Variants in EBF1 observed in about 807,000 individuals in gnomAD.
EBF1 encodes the protein transcription factor COE1.
In EBF1, 10 loss-of-function variants were observed where a neutral mutation model predicts 68.4. That is an observed-to-expected ratio of 0.15 (90% CI 0.09 to 0.25). EBF1 has a LOEUF of 0.25. Among genes scored for constraint, EBF1 ranks in the 10% least tolerant of loss-of-function variants. The pLI, the probability that EBF1 is intolerant of heterozygous loss-of-function variation, is 1.00. For synonymous variants in EBF1, 298 were observed against 299.8 expected (o/e 0.99, Z 0.06); for missense variants, 509 against 794.4 (o/e 0.64, Z 4.32).
intron 10 of EBF1, among the ~76,000 whole-genome samples, chr5:158,776,786 A>T (rs1327032826): frequency 6.6e-6 from 1 of 152,140 alleles, no homozygotes; most frequent in African/African-American, 2.4e-5. Context: ...CAATCTAGGG[A>T]TCTCTTAGCG....
At chr5:158,928,403 A>G (rs1810129861) in intron 6 of EBF1, among the ~76,000 whole-genome samples, 1 of 152,234 alleles carries the variant, frequency 6.6e-6, no homozygotes, top group South Asian at 2.1e-4. Context: ...ATTCAGCTTT[A>G]AAAAGCACCC....
chr5:158,699,167 A>G (rs764934679), intron 15 of EBF1, 25 bp from the exon 16 acceptor site: 1 of 1,592,778 alleles, frequency 6.3e-7, no homozygotes, highest in Non-Finnish European at 8.6e-7. Context: ...ACAGAAGTCA[A>G]TGGTTTCTTT....
At chr5:158,906,457 A>G (rs1804648152) in intron 6 of EBF1, among the ~76,000 whole-genome samples, 1 of 152,172 alleles carries the variant, frequency 6.6e-6, no homozygotes, top group African/African-American at 2.4e-5. Context: ...TAACAACAAA[A>G]AGGTGCTGTC....
intron 6 of EBF1, among the ~76,000 whole-genome samples, chr5:158,860,707 T>G (rs1173306128): frequency 2.0e-5 from 3 of 152,232 alleles, no homozygotes; most frequent in Middle Eastern, 3.2e-3. Flanking sequence ...GACAAACAAG[T>G]GACATTTTCT....
In EBF1 at chr5:159,095,679, G is replaced by C. The variant is rs746379240; in HGVS notation, c.356-4C>G. ...AAATCCTGCTCCGTCCTTATCCCTA[G>C]GGTTGGAAATGGGGGAAGGGAGGAG... is the stretch of plus-strand genomic sequence containing the variant. On this transcript the variant is annotated splice_polypyrimidine_tract_variant and splice_region_variant and intron_variant, in intron 3 of 15. Coordinates refer to ENST00000313708, the MANE Select transcript of EBF1 (RefSeq NM_024007.5). The C allele has an allele frequency of 3.1e-6, 5 of 1,614,048 alleles. No individual in the cohort carries two copies. Among genetic ancestry groups the C allele is most frequent in the African/African-American group, 1.3e-5 (1 of 75,026 alleles).
chr5:158,927,005 T>C (rs923025920), intron 6 of EBF1, among the ~76,000 whole-genome samples: 3 of 152,210 alleles, frequency 2.0e-5, no homozygotes, highest in African/African-American at 7.2e-5. Flanking sequence ...CCAGGCCTCT[T>C]GACCCTACCT....
chr5:158,976,580 G>T (rs573370122), intron 6 of EBF1, among the ~76,000 whole-genome samples: 1 of 152,276 alleles, frequency 6.6e-6, no homozygotes, highest in Non-Finnish European at 1.5e-5. Context: ...CAGCCCTGAT[G>T]CTGGGACTGC....
chr5:158,934,260 A>G (rs147040723), intron 6 of EBF1, among the ~76,000 whole-genome samples: 1,836 of 152,270 alleles, frequency 0.012, 142 homozygotes, highest in Admixed American at 0.11. Context: ...TCCTTCATTC[A>G]TTCATTCAAC....
intron 14 of EBF1, 46 bp from the exon 15 acceptor site, chr5:158,708,219 T>C (rs1758331886): frequency 6.5e-7 from 1 of 1,534,406 alleles, no homozygotes. Flanking sequence ...TTTCATGGCA[T>C]CCTGAAGCAA....
Position 158,735,184 on chromosome 5 carries a change from C to T in EBF1, c.1037-4027G>A, listed in dbSNP as rs542869154. Among the ~76,000 whole-genome samples, 4 of 152,294 alleles carry T rather than the reference C, an allele frequency of 2.6e-5. No homozygotes were observed. The East Asian group carries it at 7.7e-4, about 29-fold the overall frequency. ...GTACACATAATCCAACCCCCAAAGA[C>T]AGATGAAATCCTCTACTTGCAGAGC... On this transcript the variant is annotated intron_variant, in intron 10 of 15. Transcript: ENST00000313708.
intron 6 of EBF1, among the ~76,000 whole-genome samples, chr5:159,052,539 G>T (rs1416999078): frequency 6.6e-6 from 1 of 152,168 alleles, no homozygotes. Context: ...CTGTCAAGAT[G>T]ATCCTTTGCA....
intron 3 of EBF1, 161 bp downstream of exon 3, chr5:159,096,182 A>T: frequency 1.4e-6 from 1 of 714,942 alleles, no homozygotes. Context: ...GAGCCTCCTC[A>T]GGTGAAACCT....
At chr5:158,793,374 CA>C (rs1779018484) in intron 9 of EBF1, among the ~76,000 whole-genome samples, 1 of 152,138 alleles carries the variant, frequency 6.6e-6, no homozygotes, top group African/African-American at 2.4e-5. Context: ...TCTGCTTCTA[CA>C]AAAATAAAAG....
chr5:158,926,501 G>A (rs1809719838), intron 6 of EBF1, among the ~76,000 whole-genome samples: 1 of 152,020 alleles, frequency 6.6e-6, no homozygotes, highest in African/African-American at 2.4e-5. Context: ...CAAAGTGGGT[G>A]GATCACAAGG....
At chr5:158,707,899 G>C (rs1758220433) in intron 15 of EBF1, 80 bp downstream of exon 15, 3 of 1,448,878 alleles carry the variant, frequency 2.1e-6, no homozygotes, top group Admixed American at 2.0e-5. Context: ...CCTCAGCAAT[G>C]GTGATGCATC....
At chr5:159,031,137 G>C (rs1207502148) in intron 6 of EBF1, among the ~76,000 whole-genome samples, 1 of 152,180 alleles carries the variant, frequency 6.6e-6, no homozygotes, top group African/African-American at 2.4e-5. Context: ...TCATGCCACT[G>C]TACTCCAACC....
At chr5:158,719,998 T>C (rs1346075134) in intron 11 of EBF1, among the ~76,000 whole-genome samples, 1 of 152,196 alleles carries the variant, frequency 6.6e-6, no homozygotes, top group Non-Finnish European at 1.5e-5. Flanking sequence ...AATACTTCCC[T>C]GTCACTGCAC....
intron 6 of EBF1, 71 bp downstream of exon 6, chr5:159,073,325 T>G: frequency 1.3e-6 from 2 of 1,527,056 alleles, no homozygotes; most frequent in Admixed American, 1.7e-5. Context: ...CCCTCGCCCA[T>G]GAGCAACACA....
At chr5:158,866,196 C>A (rs1042297328) in intron 6 of EBF1, among the ~76,000 whole-genome samples, 1 of 152,234 alleles carries the variant, frequency 6.6e-6, no homozygotes, top group Non-Finnish European at 1.5e-5. Context: ...AGACCTGAGT[C>A]CCTCTGGACA....
Sources: allele counts gnomAD v4.1 joint callset (sites outside exome capture counted in the v4.1 genomes callset), GRCh38; gene constraint gnomAD v4.1.1; transcripts MANE v1.5; gene names NCBI Gene and HGNC (gene_info 2026-07-23, HGNC 2026-07-21).